Variants in TANGO6 observed in about 807,000 individuals in gnomAD.
TANGO6 encodes the protein transport and golgi organization 6 homolog, also known as transport and Golgi organization protein 6 homolog.
In TANGO6, 90 loss-of-function variants were observed where a neutral mutation model predicts 114.2. The observed-to-expected ratio is 0.79, with a 90% CI of 0.66 to 0.94. The LOEUF (loss-of-function observed/expected upper bound fraction) is 0.94. Among genes scored for constraint, TANGO6 ranks in the 40% least tolerant of loss-of-function variants. TANGO6 has a pLI of 0.00. For synonymous variants in TANGO6, 477 were observed against 509.8 expected, an observed-to-expected ratio of 0.94 and a Z score of 0.87; for missense variants, 1,274 against 1,315.3, an observed-to-expected ratio of 0.97 and a Z score of 0.49.
chr16:69,003,981 C>G (rs1964068120), intron 15 of TANGO6, among the ~76,000 whole-genome samples: 1 of 151,596 alleles, frequency 6.6e-6, no homozygotes, highest in Non-Finnish European at 1.5e-5. Context: ...ATTTTAAACC[C>G]CACTTTAAAT....
intron 7 of TANGO6, 49 bp from the exon 8 acceptor site, chr16:68,900,385 T>C (rs746320682): frequency 1.3e-6 from 2 of 1,516,678 alleles, no homozygotes; most frequent in Admixed American, 3.4e-5. Flanking sequence ...TTCCCGTTGC[T>C]CTGGCCAGGC....
Position 68,860,465 on chromosome 16 carries a change from G to A in TANGO6, c.676G>A (p.Gly226Ser). 6.2e-7 allele frequency: 1 copy of A among 1,613,972 alleles called. No homozygotes were observed. Among genetic ancestry groups the A allele is most frequent in the African/African-American group, 1.3e-5 (1 of 75,036 alleles). Residue 226 changes from glycine (G) to serine (S), a missense_variant, in exon 2 of 18, where the codon GGT (glycine) becomes AGT (serine). Physicochemically the swap from Gly to Ser is moderately conservative, Grantham distance 56. Transcript: ENST00000261778. Reference sequence around the variant, plus strand: ...CCACCACTTTGGGGATATCGCAGCAGGTCTGTGCCAACTGGGATTCTGCCC... The same window carrying A: ...CCACCACTTTGGGGATATCGCAGCAAGTCTGTGCCAACTGGGATTCTGCCC... ...FCHHFGDIAA[G>S]LCQLGFCPTK...
chr16:69,067,518 C>CAAAAAAAAAAAAAAAAAAAAAA (rs1199698790), intron 17 of TANGO6, among the ~76,000 whole-genome samples: 5 of 43,728 alleles, frequency 1.1e-4, no homozygotes, highest in African/African-American at 2.9e-4. Flanking sequence ...AACTCCATCT[C>CAAAAAAAAAAAAAAAAAAAAAA]AAAAAAAAAA....
At chr16:69,009,072 CTTTTT>C (rs869092742) in intron 15 of TANGO6, among the ~76,000 whole-genome samples, 117 of 77,612 alleles carry the variant, frequency 1.5e-3, no homozygotes, top group Non-Finnish European at 2.4e-3. Flanking sequence ...GAGTTTATTT[CTTTTT>C]TTTTTTTTTT....
At chr16:69,060,884 C>G (rs1052886721) in intron 17 of TANGO6, among the ~76,000 whole-genome samples, 6 of 151,518 alleles carry the variant, frequency 4.0e-5, no homozygotes, top group Non-Finnish European at 8.8e-5. Context: ...CCCAGCTACT[C>G]GGGAGGCTGA....
intron 17 of TANGO6, among the ~76,000 whole-genome samples, chr16:69,052,780 T>G (rs1959972142): frequency 6.6e-6 from 1 of 152,046 alleles, no homozygotes; most frequent in South Asian, 2.1e-4. Context: ...AGTTGACCTC[T>G]CTTCTCCTCA....
chr16:69,039,676 T>C (rs375707583), intron 16 of TANGO6, among the ~76,000 whole-genome samples: 1 of 152,138 alleles, frequency 6.6e-6, no homozygotes. Flanking sequence ...GTAAAGTAAT[T>C]GAGCACAGAA....
chr16:68,985,217 G>A (rs32859), intron 15 of TANGO6, among the ~76,000 whole-genome samples: 87,796 of 151,830 alleles, frequency 0.58, 25,647 homozygotes, highest in Non-Finnish European at 0.62. Context: ...ATCTAATTAT[G>A]TAACTACCTG....
chr16:68,937,160 C>G (rs780594173), intron 14 of TANGO6: 1 of 152,182 alleles, frequency 6.6e-6, no homozygotes, highest in Non-Finnish European at 1.5e-5. Context: ...AATTCTGTCC[C>G]TTGAAGGATC....
At chr16:68,873,517 T>C (rs1357439755) in intron 4 of TANGO6, among the ~76,000 whole-genome samples, 2 of 140,766 alleles carry the variant, frequency 1.4e-5, no homozygotes, top group Admixed American at 7.5e-5. Context: ...TTTCACCATG[T>C]AGGCCAGGCT....
At position 68,953,050 on chromosome 16, in the gene TANGO6, T is replaced by TTTATTATTATTATTA. The variant is rs71383944; in HGVS notation, c.2702-20951_2702-20937dup. ...ATGTTCATTCACTCAACAGGTATTTTTTATTATTATTATTATTATTATTAT... is the reference window on the plus strand; with the variant it reads ...ATGTTCATTCACTCAACAGGTATTTTTTATTATTATTATTATTATTATTATTATTATTATTATTAT... On this transcript the variant is annotated intron_variant, in intron 14 of 17. Transcript: ENST00000261778. 3.4e-3 allele frequency among the ~76,000 whole-genome samples: 469 copies of TTTATTATTATTATTA among 139,200 alleles called. 2 individuals carry two copies. The highest frequency in any genetic ancestry group is 8.7e-3 in the East Asian group (42 of 4,808). The allele number at this position is 139,200 out of a possible 152,430, so 91.3% of individuals were successfully genotyped here.
intron 14 of TANGO6, among the ~76,000 whole-genome samples, chr16:68,950,608 C>A (rs1182512254): frequency 6.6e-6 from 1 of 151,390 alleles, no homozygotes; most frequent in South Asian, 2.1e-4. Flanking sequence ...CACCTGTAGT[C>A]CCAGCACTTT....
intron 4 of TANGO6, among the ~76,000 whole-genome samples, chr16:68,874,834 C>T (rs1412497748): frequency 5.3e-5 from 8 of 152,040 alleles, no homozygotes; most frequent in Admixed American, 2.0e-4. Flanking sequence ...CCTGTAATCC[C>T]AGCTACTCGG....
intron 14 of TANGO6, among the ~76,000 whole-genome samples, chr16:68,941,838 T>C (rs1368891163): frequency 6.6e-6 from 1 of 151,882 alleles, no homozygotes; most frequent in Non-Finnish European, 1.5e-5. Flanking sequence ...AGAATTACAG[T>C]TGGGCATAGT....
intron 4 of TANGO6, among the ~76,000 whole-genome samples, chr16:68,869,743 A>G (rs193057243): frequency 4.6e-4 from 70 of 152,308 alleles, no homozygotes; most frequent in Non-Finnish European, 2.9e-5. Context: ...TTTTATGGAA[A>G]TGGCATTTAA....
rs554326763 is a variant in TANGO6, at chr16:68,934,727, G to A, written c.2701+4432G>A. Reference sequence around the variant, plus strand: ...ACTTTCCCCAAGAAACTGTACTACTGTCAAGGAGATGTTTTTCATTGATTT... The same window carrying A: ...ACTTTCCCCAAGAAACTGTACTACTATCAAGGAGATGTTTTTCATTGATTT... On this transcript the variant is annotated intron_variant, in intron 14 of 17. Transcript: ENST00000261778. 5.3e-5 allele frequency among the ~76,000 whole-genome samples: 8 copies of A among 152,248 alleles called. 1 individual carries two copies. In the South Asian group the frequency reaches 1.7e-3, roughly 32 times the overall value.
intron 3 of TANGO6, among the ~76,000 whole-genome samples, chr16:68,865,941 C>G (rs1425351848): frequency 6.6e-6 from 1 of 151,958 alleles, no homozygotes; most frequent in African/African-American, 2.4e-5. Flanking sequence ...AAATCCAACT[C>G]TTTCTTTGAA....
At chr16:69,050,415 C>T (rs1005115087) in intron 17 of TANGO6, among the ~76,000 whole-genome samples, 1 of 151,826 alleles carries the variant, frequency 6.6e-6, no homozygotes, top group African/African-American at 2.4e-5. Context: ...GATCATGGCT[C>T]GGTGCAGCCT....
chr16:69,073,121 T>C (rs945091363), intron 17 of TANGO6, among the ~76,000 whole-genome samples: 1 of 151,826 alleles, frequency 6.6e-6, no homozygotes, highest in African/African-American at 2.4e-5. Flanking sequence ...TGGGCTATAA[T>C]CCATTGGAGA....
Sources: gnomAD v4.1 joint callset for allele counts (sites outside exome capture counted in the v4.1 genomes callset) on GRCh38, gnomAD v4.1.1 for gene constraint, MANE v1.5 for transcripts, NCBI Gene and HGNC (gene_info 2026-07-23, HGNC 2026-07-21) for gene names.